Variants in ZNF462 observed in about 807,000 individuals in gnomAD.
ZNF462 encodes the protein zinc finger PBX1-interacting protein.
A neutral mutation model predicts 201.9 loss-of-function variants in ZNF462; 10 were observed. That is an observed-to-expected ratio of 0.05 (90% CI 0.03 to 0.08). ZNF462 has a LOEUF of 0.08. Ranked by LOEUF, ZNF462 falls within the 10% of genes least tolerant of loss-of-function variation. The pLI is 1.00. For synonymous variants in ZNF462, 1,227 were observed against 1,193.3 expected, an observed-to-expected ratio of 1.03 and a Z score of -0.58; for missense variants, 2,523 against 3,168.3, an observed-to-expected ratio of 0.80 and a Z score of 4.89.
chr9:107,009,512 C>T lies in ZNF462; in HGVS notation c.7190-33C>T. 6.2e-7 allele frequency: 1 copy of T among 1,613,058 alleles called. No homozygotes were observed. Among genetic ancestry groups the T allele is most frequent in the Non-Finnish European group, 8.5e-7 (1 of 1,179,414 alleles). On this transcript the variant is annotated intron_variant, in intron 11 of 12. Coordinates refer to ENST00000277225, the MANE Select transcript of ZNF462 (RefSeq NM_021224.6). This position sits in a 1 kb window ranked among gnomAD's most constrained non-coding sequence, Gnocchi z 6.1. ...TTACCTATTCTGCTGATTCCCACAG[C>T]ACACAGGTAACACTTCTGCTTTCTC...
In ZNF462 at chr9:106,880,777, AT is replaced by A. The variant is rs1227078927; in HGVS notation, c.-31+17423del. Among the ~76,000 whole-genome samples, 10 of 152,230 alleles carry A rather than the reference AT, an allele frequency of 6.6e-5. No individual in the cohort carries two copies. The highest frequency in any genetic ancestry group is 3.3e-4 in the Admixed American group (5 of 15,286). ...TGGTTCCTTTGTGAATTAAAAAGGA[AT>A]GTCTAGTAGGCAGTGTGGGGACCTG... On this transcript the variant is annotated intron_variant, in intron 1 of 12. Coordinates refer to ENST00000277225, the MANE Select transcript of ZNF462 (RefSeq NM_021224.6). This position sits in a 1 kb window ranked among gnomAD's most constrained non-coding sequence, Gnocchi z 4.1.
chr9:106,894,855 T>C (rs1828744895), intron 1 of ZNF462, among the ~76,000 whole-genome samples: 1 of 152,214 alleles, frequency 6.6e-6, no homozygotes, highest in Non-Finnish European at 1.5e-5. Flanking sequence ...AAGTTTTCTA[T>C]TGATAAATAT....
chr9:106,871,037 A>C (rs1239025272), intron 1 of ZNF462, among the ~76,000 whole-genome samples: 2 of 152,190 alleles, frequency 1.3e-5, no homozygotes, highest in African/African-American at 4.8e-5. Flanking sequence ...CTCTAAGGGA[A>C]AATTCTCCCC....
rs1326486152 is a variant in ZNF462 at position 106,981,571 on chromosome 9, C to T, written c.6833-2615C>T. 1.3e-5 allele frequency among the ~76,000 whole-genome samples: 2 copies of T among 152,196 alleles called. No individual in the cohort carries two copies. The highest frequency in any genetic ancestry group is 4.8e-5 in the African/African-American group (2 of 41,440). The stretch of plus-strand genomic sequence containing the variant: ...GTCAAGGGTAGAACACCTAACGGTG[C>T]TTGAACCGTAGCGAGCACTTAATAG... On this transcript the variant is annotated intron_variant, in intron 9 of 12. Coordinates refer to ENST00000277225, the MANE Select transcript of ZNF462 (RefSeq NM_021224.6). This position sits in a 1 kb window ranked among gnomAD's most constrained non-coding sequence, Gnocchi z 4.0.
rs542480662 is a variant in ZNF462 at position 106,995,313 on chromosome 9, A to G, written c.7057-7981A>G. Among the ~76,000 whole-genome samples, 9 of 152,218 alleles carry G rather than the reference A, an allele frequency of 5.9e-5. No homozygotes were observed. The South Asian group carries it at 1.7e-3, about 28-fold the overall frequency. Reference sequence around the variant, plus strand: ...ACCTTCCTTGACTTCTGTGCTCTATATCCTTCTGGGTACTCTATGATTCTT... The same window carrying G: ...ACCTTCCTTGACTTCTGTGCTCTATGTCCTTCTGGGTACTCTATGATTCTT... On this transcript the variant is annotated intron_variant, in intron 10 of 12. Coordinates refer to ENST00000277225, the MANE Select transcript of ZNF462 (RefSeq NM_021224.6).
In ZNF462 at chr9:106,923,423, C is replaced by T; in HGVS notation, c.40C>T (p.Pro14Ser). 1.9e-6 allele frequency: 3 copies of T among 1,614,140 alleles called. No individual in the cohort carries two copies. Among genetic ancestry groups the T allele is most frequent in the Non-Finnish European group, 1.7e-6 (2 of 1,180,028 alleles). The part of the protein sequence containing the change: ...LQCDGCDFRA[P>S]SYEDLKAHIQ... ...GTGTGATGGCTGTGATTTCCGAGCC[C>T]CGTCTTATGAAGATCTCAAGGCACA... The change falls in exon 2 of 13, where the codon CCG (proline) becomes TCG (serine). Residue 14 changes from proline (P) to serine (S), a missense_variant. Around this residue, in one of 15 missense-constraint regions of ZNF462, gnomAD observed 480 missense variants for 544.4 expected, o/e 0.88. Coordinates refer to ENST00000277225, the MANE Select transcript of ZNF462 (RefSeq NM_021224.6). This position sits in a 1 kb window ranked among gnomAD's most constrained non-coding sequence, Gnocchi z 5.6.
In ZNF462 at chr9:106,962,554, G is replaced by A. The variant is rs933270935; in HGVS notation, c.6428-9451G>A. Reference sequence around the variant, plus strand: ...TGAGAAACCTTTTCAGTGAATGTAAGTATGATGGGAAACTAGATCTCAAAA... The same window carrying A: ...TGAGAAACCTTTTCAGTGAATGTAAATATGATGGGAAACTAGATCTCAAAA... On this transcript the variant is annotated intron_variant, in intron 7 of 12. Transcript: ENST00000277225. The surrounding 1 kb of genome is among the most constrained non-coding windows in gnomAD (Gnocchi z 4.6). 2.0e-5 allele frequency among the ~76,000 whole-genome samples: 3 copies of A among 151,980 alleles called. No homozygotes were observed. The highest frequency in any genetic ancestry group is 7.2e-5 in the African/African-American group (3 of 41,384).
rs762897123 is a variant in ZNF462 at position 106,929,787 on chromosome 9, C to T, written c.5847+28C>T. 1.9e-6 allele frequency: 3 copies of T among 1,573,704 alleles called. No individual in the cohort carries two copies. Among genetic ancestry groups the T allele is most frequent in the African/African-American group, 1.3e-5 (1 of 74,122 alleles). On this transcript the variant is annotated intron_variant, in intron 3 of 12. Transcript: ENST00000277225. This position sits in a 1 kb window ranked among gnomAD's most constrained non-coding sequence, Gnocchi z 8.7. Reference sequence around the variant, plus strand: ...AAGGATATGTTTTGATTTCCCTTCCCCCAGGAGGCCTCTCATCACTGGTGC... The same window carrying T: ...AAGGATATGTTTTGATTTCCCTTCCTCCAGGAGGCCTCTCATCACTGGTGC...
chr9:106,871,008 G>A (rs377159714), intron 1 of ZNF462, among the ~76,000 whole-genome samples: 13 of 152,260 alleles, frequency 8.5e-5, no homozygotes, highest in Non-Finnish European at 1.5e-4. Context: ...CCAGAGGCTG[G>A]GGGGTGGGAG....
At chr9:107,004,186 T>C (rs1250542797) in intron 11 of ZNF462, among the ~76,000 whole-genome samples, 1 of 152,174 alleles carries the variant, frequency 6.6e-6, no homozygotes, top group Admixed American at 6.6e-5. Context: ...AGAATATAGG[T>C]TGAGATATGT....
chr9:106,864,106 CTCT>C (rs1564062867), intron 1 of ZNF462, among the ~76,000 whole-genome samples: 15 of 122,478 alleles, frequency 1.2e-4, no homozygotes, highest in African/African-American at 2.4e-4. Context: ...CTCTCTCTCT[CTCT>C]CCCTCTCCCC....
At chr9:106,945,909 T>G (rs140978290) in intron 7 of ZNF462, among the ~76,000 whole-genome samples, 1 of 152,200 alleles carries the variant, frequency 6.6e-6, no homozygotes, top group Non-Finnish European at 1.5e-5. Context: ...TTATCACCAC[T>G]CTGAACTCAA....
intron 1 of ZNF462, among the ~76,000 whole-genome samples, chr9:106,906,077 T>C (rs934845595): frequency 1.3e-5 from 2 of 152,246 alleles, no homozygotes; most frequent in African/African-American, 4.8e-5. Context: ...TTCCTGCTGC[T>C]TCCTCTACCC....
chr9:106,948,400 C>CA (rs1831199546), intron 7 of ZNF462, among the ~76,000 whole-genome samples: 1 of 152,164 alleles, frequency 6.6e-6, no homozygotes, highest in South Asian at 2.1e-4. Flanking sequence ...AATAGGTCTT[C>CA]AACAAGGAAT....
At position 106,935,703 on chromosome 9, in the gene ZNF462, G is replaced by C; in HGVS notation, c.6235+82G>C. The C allele has an allele frequency of 9.3e-7, 1 of 1,080,252 alleles. No individual in the cohort carries two copies. Among genetic ancestry groups the C allele is most frequent in the Admixed American group, 1.8e-5 (1 of 55,904 alleles). 66.9% of individuals were successfully genotyped at this position (1,080,252 alleles called of 1,614,324 possible). A position where few individuals can be genotyped will look rare whatever the true frequency, so the allele number is the denominator to read the frequency against. ...GATGATCTTTATTGAGTGAAATACT[G>C]TCCTGCCTTACACTTGAGAATGTTA... On this transcript the variant is annotated intron_variant, in intron 6 of 12. Transcript: ENST00000277225. The surrounding 1 kb of genome is among the most constrained non-coding windows in gnomAD (Gnocchi z 4.1).
intron 10 of ZNF462, among the ~76,000 whole-genome samples, chr9:106,991,902 A>T (rs1404266794): frequency 6.6e-6 from 1 of 151,150 alleles, no homozygotes; most frequent in Non-Finnish European, 1.5e-5. Context: ...ATGGACCGTA[A>T]GCTTAAATGT....
Position 106,929,557 on chromosome 9 carries a change from G to C in ZNF462, c.5645G>C (p.Gly1882Ala). The C allele has an allele frequency of 6.2e-7, 1 of 1,614,144 alleles. No homozygotes were observed. The highest frequency in any genetic ancestry group is 8.5e-7 in the Non-Finnish European group (1 of 1,180,024). ...CTAAAGAGGGACTTCATCATTCTGG[G>C]CAACGGCCCCCGCTTGCAGAACTCC... ...RDLKRDFIIL[G>A]NGPRLQNSTY... The change falls in exon 3 of 13, where the codon GGC (glycine) becomes GCC (alanine). Residue 1882 changes from glycine to alanine, a missense_variant. Transcript: ENST00000277225. This position sits in a 1 kb window ranked among gnomAD's most constrained non-coding sequence, Gnocchi z 8.7.
chr9:106,929,054 C>G lies in ZNF462; in HGVS notation c.5142C>G (p.Ala1714=), dbSNP rs766760439. 5.0e-6 allele frequency: 8 copies of G among 1,614,022 alleles called. No homozygotes were observed. The East Asian group carries it at 1.8e-4, about 36-fold the overall frequency. ...ACCCCATCCGCAAAGGTCTGGCAGC[C>G]CACTACCAGAAGCGCCACGACATTG... ...YTNPIRKGLA[A]HYQKRHDIDA... The change falls in exon 3 of 13, where the codon GCC becomes GCG. Residue 1714 remains alanine (A), a synonymous_variant. Transcript: ENST00000277225. This position sits in a 1 kb window ranked among gnomAD's most constrained non-coding sequence, Gnocchi z 8.7.
intron 1 of ZNF462, among the ~76,000 whole-genome samples, chr9:106,900,196 A>C (rs1828997592): frequency 7.1e-6 from 1 of 141,236 alleles, no homozygotes; most frequent in African/African-American, 2.7e-5. Flanking sequence ...GCTGCATAGT[A>C]TTCCATCGTG....
Sources: gnomAD v4.1 joint callset for allele counts (sites outside exome capture counted in the v4.1 genomes callset) on GRCh38, gnomAD v4.1.1 for gene constraint, gnomAD v4.1.1 regional missense constraint, Gnocchi (gnomAD v3.1) non-coding constraint, MANE v1.5 for transcripts, NCBI Gene and HGNC (gene_info 2026-07-23, HGNC 2026-07-21) for gene names.